CAMKMT: variants seen among roughly 807,000 people sequenced by gnomAD.
The protein encoded by CAMKMT is CaM KMT.
Under a neutral mutation model 48.0 loss-of-function variants are expected in CAMKMT, and 53 were observed. The observed-to-expected ratio is 1.10, with a 90% CI of 0.89 to 1.39. CAMKMT has a LOEUF of 1.39. CAMKMT is among the 40% of genes most tolerant of loss of function. The probability of loss-of-function intolerance (pLI) is 0.00; values close to 1 mark genes in which losing one functional copy is unlikely to be tolerated. For missense variants in CAMKMT, 428 were observed against 402.7 expected (o/e 1.06, Z -0.54); for synonymous variants, 165 against 152.3 (o/e 1.08, Z -0.61).
chr2:44,667,202 C>T (rs1279750473), intron 3 of CAMKMT, among the ~76,000 whole-genome samples: 1 of 152,210 alleles, frequency 6.6e-6, no homozygotes, highest in Non-Finnish European at 1.5e-5. Flanking sequence ...TCCCTGAGGG[C>T]CTTAGCTTCT....
At chr2:44,636,352 G>C (rs1185635152) in intron 3 of CAMKMT, among the ~76,000 whole-genome samples, 1 of 152,206 alleles carries the variant, frequency 6.6e-6, no homozygotes, top group Non-Finnish European at 1.5e-5. Context: ...ACAATTACCA[G>C]AGTTAGGACC....
At chr2:44,628,172 T>C (rs1672604232) in intron 3 of CAMKMT, among the ~76,000 whole-genome samples, 1 of 152,196 alleles carries the variant, frequency 6.6e-6, no homozygotes, top group Non-Finnish European at 1.5e-5. Flanking sequence ...AGTCTCAAAC[T>C]CTTGAGCTCG....
At position 44,364,187 on chromosome 2, in the gene CAMKMT, T is replaced by C. The variant is rs191409608; in HGVS notation, c.138+2042T>C. ...AGTATAGTAAAAACTACAGCACTTA[T>C]GTTCATTCTAAATTGCGGTCTAAAT... is the stretch of plus-strand genomic sequence containing the variant. On this transcript the variant is annotated intron_variant, in intron 1 of 10. Coordinates refer to ENST00000378494, the MANE Select transcript of CAMKMT (RefSeq NM_024766.5). Among the ~76,000 whole-genome samples the C allele has an allele frequency of 7.2e-5, 11 of 152,280 alleles. No homozygotes were observed. In the East Asian group the frequency reaches 1.4e-3, roughly 19 times the overall value.
chr2:44,424,214 T>A (rs1047641203), intron 3 of CAMKMT, among the ~76,000 whole-genome samples: 2 of 152,192 alleles, frequency 1.3e-5, no homozygotes, highest in African/African-American at 4.8e-5. Context: ...ATTTCTTAAT[T>A]TTTTTCAAGC....
chr2:44,504,347 G>C (rs866959549), intron 3 of CAMKMT, among the ~76,000 whole-genome samples: 14 of 152,118 alleles, frequency 9.2e-5, no homozygotes, highest in South Asian at 6.2e-4. Context: ...TGTTGTATTA[G>C]TTCAGATTTC....
intron 3 of CAMKMT, among the ~76,000 whole-genome samples, chr2:44,529,914 A>T (rs991044628): frequency 1.3e-5 from 2 of 152,198 alleles, no homozygotes; most frequent in African/African-American, 4.8e-5. Context: ...TTCAAATACA[A>T]TGTTCCAGTG....
intron 2 of CAMKMT, among the ~76,000 whole-genome samples, chr2:44,377,573 T>A (rs1679825804): frequency 6.6e-6 from 1 of 152,194 alleles, no homozygotes; most frequent in Non-Finnish European, 1.5e-5. Context: ...TTCCATTATA[T>A]ATGGAACCAT....
rs1240371366 is a variant in CAMKMT, at chr2:44,653,082, T to C, written c.377-51201T>C. On this transcript the variant is annotated intron_variant, in intron 3 of 10. Coordinates refer to ENST00000378494, the MANE Select transcript of CAMKMT (RefSeq NM_024766.5). This position sits in a 1 kb window ranked among gnomAD's most constrained non-coding sequence, Gnocchi z 5.2. ...TGGTCAAATCTGGTCACTTGGCATA[T>C]TCTGATTCCTCCCAGGACACATTGG... is the stretch of plus-strand genomic sequence containing the variant. 6.6e-6 allele frequency among the ~76,000 whole-genome samples: 1 copy of C among 152,198 alleles called. No homozygotes were observed. Among genetic ancestry groups the C allele is most frequent in the Non-Finnish European group, 1.5e-5 (1 of 68,034 alleles).
intron 3 of CAMKMT, among the ~76,000 whole-genome samples, chr2:44,408,780 C>T (rs1682960876): frequency 6.6e-6 from 1 of 151,772 alleles, no homozygotes; most frequent in Non-Finnish European, 1.5e-5. Context: ...CTTGCTCTGT[C>T]ACCCAGGCCA....
intron 3 of CAMKMT, among the ~76,000 whole-genome samples, chr2:44,474,306 G>T (rs10190146): frequency 0.54 from 82,046 of 151,786 alleles, 23,008 homozygotes; most frequent in Middle Eastern, 0.63. Context: ...AATTAGCCGG[G>T]TGTGGTGGCA....
intron 3 of CAMKMT, among the ~76,000 whole-genome samples, chr2:44,593,343 G>A (rs1355899755): frequency 6.6e-6 from 1 of 152,092 alleles, no homozygotes; most frequent in Non-Finnish European, 1.5e-5. Flanking sequence ...TCAGATACAT[G>A]TGCTTATCAA....
At chr2:44,466,736 A>G (rs537750375) in intron 3 of CAMKMT, among the ~76,000 whole-genome samples, 2 of 152,332 alleles carry the variant, frequency 1.3e-5, no homozygotes, top group African/African-American at 4.8e-5. Context: ...GCTTTTAGAA[A>G]ATATCAACAA....
At chr2:44,599,525 T>G (rs1242404303) in intron 3 of CAMKMT, among the ~76,000 whole-genome samples, 1 of 152,102 alleles carries the variant, frequency 6.6e-6, no homozygotes, top group Non-Finnish European at 1.5e-5. Flanking sequence ...TTTTGTTTGA[T>G]AGGGCCATTA....
chr2:44,698,507 C>T (rs1558803172), intron 3 of CAMKMT, among the ~76,000 whole-genome samples: 2 of 152,206 alleles, frequency 1.3e-5, no homozygotes, highest in Non-Finnish European at 2.9e-5. Flanking sequence ...TTGCACTATA[C>T]TGTAGCTTAA....
chr2:44,581,147 T>A (rs1265614586), intron 3 of CAMKMT, among the ~76,000 whole-genome samples: 1 of 152,154 alleles, frequency 6.6e-6, no homozygotes, highest in Non-Finnish European at 1.5e-5. Context: ...TCCGATGAGA[T>A]CAAAAGGAGA....
At chr2:44,458,944 A>G (rs13399659) in intron 3 of CAMKMT, among the ~76,000 whole-genome samples, 6,805 of 152,264 alleles carry the variant, frequency 0.045, 522 homozygotes, top group African/African-American at 0.16. Context: ...CTTCTCAAGT[A>G]TAAAAATAAG....
At chr2:44,688,995 A>G (rs1310341894) in intron 3 of CAMKMT, among the ~76,000 whole-genome samples, 1 of 152,208 alleles carries the variant, frequency 6.6e-6, no homozygotes, top group East Asian at 1.9e-4. Context: ...GAATTTAGCC[A>G]TAGTGTTTAC....
intron 3 of CAMKMT, among the ~76,000 whole-genome samples, chr2:44,513,484 A>C (rs987437056): frequency 6.6e-6 from 1 of 152,092 alleles, no homozygotes; most frequent in African/African-American, 2.4e-5. Context: ...CTTGTTTTTG[A>C]ATTTTTATTA....
At chr2:44,513,266 G>A (rs1004230013) in intron 3 of CAMKMT, among the ~76,000 whole-genome samples, 1 of 118,526 alleles carries the variant, frequency 8.4e-6, no homozygotes, top group South Asian at 3.0e-4. Context: ...CACACAGAAT[G>A]CGACAAGGGC....
Sources: allele counts gnomAD v4.1 joint callset (sites outside exome capture counted in the v4.1 genomes callset), GRCh38; gene constraint gnomAD v4.1.1; non-coding constraint Gnocchi (gnomAD v3.1); transcripts MANE v1.5; gene names NCBI Gene and HGNC (gene_info 2026-07-23, HGNC 2026-07-21).